The following TEX11 variants were observed in gnomAD, a reference collection of about 807,000 sequenced individuals.
The protein encoded by TEX11 is testis expressed 11.
A neutral mutation model predicts 84.4 loss-of-function variants in TEX11; 7 were observed. The observed-to-expected ratio is 0.08, with a 90% CI of 0.05 to 0.16. The LOEUF (loss-of-function observed/expected upper bound fraction) is 0.16, where lower values mean the gene tolerates loss of function less well. Ranked by LOEUF, TEX11 falls within the 10% of genes least tolerant of loss-of-function variation. The pLI, the probability that TEX11 is intolerant of heterozygous loss-of-function variation, is 1.00. For missense variants in TEX11, 551 were observed against 660.5 expected, an observed-to-expected ratio of 0.83 and a Z score of 1.82; for synonymous variants, 264 against 222.8, an observed-to-expected ratio of 1.18 and a Z score of -1.64.
chrX:70,893,762 C>A (rs1257440333), intron 2 of TEX11, among the ~76,000 whole-genome samples: 1 of 111,119 alleles, frequency 9.0e-6, no homozygotes, highest in South Asian at 3.8e-4. Flanking sequence ...ACAAAAAACC[C>A]TTCAAAAAAT....
the TEX11 span, among the ~76,000 whole-genome samples, chrX:70,519,763 A>G: frequency 9.0e-6 from 1 of 111,694 alleles, no homozygotes; most frequent in Non-Finnish European, 1.9e-5. Flanking sequence ...AATCAAACGT[A>G]GATTTGGTTT....
intron 12 of TEX11, chrX:70,723,991 A>G: frequency 6.7e-6 from 4 of 594,098 alleles, no homozygotes; most frequent in Non-Finnish European, 8.1e-6. Flanking sequence ...CTGACATTGC[A>G]ACTTCGGGAG....
intron 2 of TEX11, among the ~76,000 whole-genome samples, chrX:70,890,114 A>G (rs1481116173): frequency 8.9e-6 from 1 of 111,752 alleles, no homozygotes; most frequent in Non-Finnish European, 1.9e-5. Context: ...GGAAACCAAA[A>G]AAGAGCAGGA....
At chrX:70,740,449 G>A (rs768645152) in intron 11 of TEX11, among the ~76,000 whole-genome samples, 4 of 111,118 alleles carry the variant, frequency 3.6e-5, no homozygotes, top group Admixed American at 2.9e-4. Context: ...TTATTTTTAC[G>A]TCCATTCTAC....
intron 7 of TEX11, among the ~76,000 whole-genome samples, chrX:70,835,728 T>C (rs1258102761): frequency 1.8e-5 from 2 of 112,388 alleles, no homozygotes; most frequent in African/African-American, 6.5e-5. Context: ...TAGGATTGAT[T>C]TTTATGAGGA....
intron 2 of TEX11, among the ~76,000 whole-genome samples, chrX:70,888,916 G>C (rs1360364780): frequency 9.0e-6 from 1 of 111,233 alleles, no homozygotes; most frequent in African/African-American, 3.3e-5. Flanking sequence ...TAGGCCAGGA[G>C]AGACTGGCAT....
chrX:70,546,088 C>A (rs993199079), intron 28 of TEX11, among the ~76,000 whole-genome samples: 2 of 112,017 alleles, frequency 1.8e-5, no homozygotes, highest in Non-Finnish European at 3.8e-5. Context: ...ACATTATTTT[C>A]ATTGATCCTT....
intron 1 of TEX11, 112 bp downstream of exon 1, chrX:70,908,542 C>T (rs1048509665): frequency 8.9e-6 from 1 of 112,095 alleles, no homozygotes; most frequent in Non-Finnish European, 1.9e-5. Flanking sequence ...CTTAGGGCCG[C>T]TCTAAAAAGT....
At chrX:70,854,642 A>AT (rs1403796562) in intron 5 of TEX11, among the ~76,000 whole-genome samples, 1 of 102,771 alleles carries the variant, frequency 9.7e-6, no homozygotes, top group African/African-American at 3.6e-5. Flanking sequence ...AGGCTGAGGC[A>AT]GGAAGATTGC....
intron 13 of TEX11, among the ~76,000 whole-genome samples, chrX:70,711,251 G>A (rs1448867423): frequency 9.0e-6 from 1 of 111,499 alleles, no homozygotes; most frequent in Non-Finnish European, 1.9e-5. Context: ...ATAAACATAC[G>A]TGTACATGTG....
chrX:70,578,929 C>G (rs555835817), intron 25 of TEX11, among the ~76,000 whole-genome samples: 2 of 107,638 alleles, frequency 1.9e-5, no homozygotes, highest in South Asian at 8.3e-4. Flanking sequence ...CACCACCACA[C>G]CCAGCTAATT....
At chrX:70,902,685 C>A (rs1350041565) in intron 2 of TEX11, among the ~76,000 whole-genome samples, 1 of 110,461 alleles carries the variant, frequency 9.1e-6, no homozygotes, top group Non-Finnish European at 1.9e-5. Context: ...ACCACAGGCA[C>A]GTGCCACCAT....
intron 21 of TEX11, among the ~76,000 whole-genome samples, chrX:70,610,199 G>T (rs1221748814): frequency 1.5e-5 from 1 of 68,699 alleles, no homozygotes; most frequent in Non-Finnish European, 2.6e-5. Context: ...AAGAAGGAAG[G>T]AAGGAAGGAA....
intron 25 of TEX11, among the ~76,000 whole-genome samples, chrX:70,567,275 T>C (rs1360876037): frequency 9.0e-6 from 1 of 111,413 alleles, no homozygotes; most frequent in Non-Finnish European, 1.9e-5. Flanking sequence ...TTTTATTGCA[T>C]CTATTTGATT....
At chrX:70,839,170 T>C (rs1202771891) in intron 7 of TEX11, among the ~76,000 whole-genome samples, 2 of 112,000 alleles carry the variant, frequency 1.8e-5, no homozygotes, top group African/African-American at 6.5e-5. Context: ...CAGCTTGAGA[T>C]CTGGGAACGG....
intron 9 of TEX11, among the ~76,000 whole-genome samples, chrX:70,779,183 G>A (rs761474392): frequency 4.5e-5 from 5 of 110,873 alleles, no homozygotes; most frequent in Non-Finnish European, 7.6e-5. Context: ...TTGGGAGGCC[G>A]AGGTGGGTGG....
chrX:70,708,210 C>G (rs1298508469), intron 13 of TEX11, among the ~76,000 whole-genome samples: 2 of 111,553 alleles, frequency 1.8e-5, no homozygotes, highest in Non-Finnish European at 3.8e-5. Context: ...CTCATCAGCA[C>G]TAATCACAAG....
intron 17 of TEX11, among the ~76,000 whole-genome samples, chrX:70,642,378 C>T (rs1245913169): frequency 9.0e-6 from 1 of 111,084 alleles, no homozygotes; most frequent in African/African-American, 3.3e-5. Flanking sequence ...GAAACTATTC[C>T]AATCAATAGA....
chrX:70,541,369 A>G (rs1316275013), intron 28 of TEX11, among the ~76,000 whole-genome samples: 1 of 111,483 alleles, frequency 9.0e-6, no homozygotes, highest in Admixed American at 9.6e-5. Context: ...AGGGCTATAC[A>G]AAGGAAACAT....
Sources: gnomAD v4.1 joint callset for allele counts (sites outside exome capture counted in the v4.1 genomes callset) on GRCh38, gnomAD v4.1.1 for gene constraint, MANE v1.5 for transcripts, NCBI Gene and HGNC (gene_info 2026-07-23, HGNC 2026-07-21) for gene names.